UBTD1: variants seen among roughly 807,000 people sequenced by gnomAD.
UBTD1 encodes ubiquitin domain-containing protein 1.
Under a neutral mutation model 21.7 loss-of-function variants are expected in UBTD1, and 19 were observed. That is an observed-to-expected ratio of 0.87 (90% CI 0.61 to 1.28). UBTD1 has a LOEUF of 1.28. Ranked by LOEUF, UBTD1 falls within the 50% of genes most tolerant of loss-of-function variation. The probability of loss-of-function intolerance (pLI) is 0.00; values close to 1 mark genes in which losing one functional copy is unlikely to be tolerated. For missense variants in UBTD1, 282 were observed against 315.1 expected (o/e 0.89, Z 0.80); for synonymous variants, 116 against 135.1 (o/e 0.86, Z 0.98).
intron 1 of UBTD1, among the ~76,000 whole-genome samples, chr10:97,511,800 C>T (rs1240293420): frequency 6.6e-6 from 1 of 152,176 alleles, no homozygotes; most frequent in East Asian, 1.9e-4. Context: ...AATCTCCTAC[C>T]ATGTGTGTGG....
At chr10:97,528,739 C>A (rs1589873250) in intron 1 of UBTD1, among the ~76,000 whole-genome samples, 1 of 95,078 alleles carries the variant, frequency 1.1e-5, no homozygotes, top group African/African-American at 3.9e-5. Flanking sequence ...CCCCACCTCC[C>A]TCCCGGACGG....
chr10:97,516,587 A>G (rs1369541036), intron 1 of UBTD1, among the ~76,000 whole-genome samples: 1 of 151,864 alleles, frequency 6.6e-6, no homozygotes, highest in Non-Finnish European at 1.5e-5. Flanking sequence ...CATCCTGGCT[A>G]ACGTGGTGAA....
At chr10:97,557,530 A>G (rs1427544496) in intron 1 of UBTD1, among the ~76,000 whole-genome samples, 1 of 152,156 alleles carries the variant, frequency 6.6e-6, no homozygotes, top group African/African-American at 2.4e-5. Context: ...TCACATAAAT[A>G]TGATTCTTGA....
At chr10:97,535,972 A>ATTATTATTATTATTATTATTG (rs1554865898) in intron 1 of UBTD1, among the ~76,000 whole-genome samples, 2 of 134,752 alleles carry the variant, frequency 1.5e-5, no homozygotes, top group African/African-American at 2.7e-5. Context: ...GAGAGAAATT[A>ATTATTATTATTATTATTATTG]TTATTATTAT....
chr10:97,516,104 C>T (rs544051247), intron 1 of UBTD1, among the ~76,000 whole-genome samples: 10 of 152,174 alleles, frequency 6.6e-5, no homozygotes, highest in African/African-American at 1.9e-4. Context: ...GTCAGACCAG[C>T]GGGGGCCAGG....
At chr10:97,557,318 G>T (rs1338757917) in intron 1 of UBTD1, among the ~76,000 whole-genome samples, 1 of 151,944 alleles carries the variant, frequency 6.6e-6, no homozygotes, top group Non-Finnish European at 1.5e-5. Flanking sequence ...CTAGGATCTA[G>T]TCCTTTTCCA....
chr10:97,525,117 A>C (rs1406571263), intron 1 of UBTD1, among the ~76,000 whole-genome samples: 1 of 152,238 alleles, frequency 6.6e-6, no homozygotes, highest in East Asian at 1.9e-4. Flanking sequence ...GGCAACTTGC[A>C]CATGTGCCCC....
At chr10:97,535,592 G>T (rs1472587446) in intron 1 of UBTD1, among the ~76,000 whole-genome samples, 1 of 152,122 alleles carries the variant, frequency 6.6e-6, no homozygotes, top group Non-Finnish European at 1.5e-5. Flanking sequence ...TCCAGCCTGG[G>T]CAACAGAGCA....
At chr10:97,525,009 G>C (rs575500804) in intron 1 of UBTD1, among the ~76,000 whole-genome samples, 1 of 152,212 alleles carries the variant, frequency 6.6e-6, no homozygotes, top group Non-Finnish European at 1.5e-5. Flanking sequence ...CTTTGGGTAG[G>C]TAACTAACAG....
chr10:97,518,408 T>A (rs1433349372), intron 1 of UBTD1, among the ~76,000 whole-genome samples: 1 of 152,238 alleles, frequency 6.6e-6, no homozygotes, highest in Non-Finnish European at 1.5e-5. Flanking sequence ...TTTTCCTGTA[T>A]GAGTCATGCC....
At chr10:97,514,368 C>T (rs1034668088) in intron 1 of UBTD1, among the ~76,000 whole-genome samples, 1 of 152,166 alleles carries the variant, frequency 6.6e-6, no homozygotes, top group Admixed American at 6.5e-5. Flanking sequence ...CCTCATCCCT[C>T]CCCATCCCCC....
intron 1 of UBTD1, among the ~76,000 whole-genome samples, chr10:97,506,458 T>C (rs1372494919): frequency 6.6e-6 from 1 of 152,222 alleles, no homozygotes; most frequent in African/African-American, 2.4e-5. Context: ...CACTTCTCTT[T>C]TTTTTCTTTC....
chr10:97,509,097 T>C (rs1554863892), intron 1 of UBTD1, among the ~76,000 whole-genome samples: 2 of 152,254 alleles, frequency 1.3e-5, no homozygotes, highest in Non-Finnish European at 2.9e-5. Context: ...AATCTCTTTC[T>C]TCTCTCAGCA....
At chr10:97,562,210 C>CCTGG (rs1165703991) in intron 1 of UBTD1, among the ~76,000 whole-genome samples, 1 of 152,160 alleles carries the variant, frequency 6.6e-6, no homozygotes, top group Non-Finnish European at 1.5e-5. Context: ...TCGAGACCAA[C>CCTGG]CTGGCAACAT....
Position 97,503,695 on chromosome 10 carries a change from G to A in UBTD1, c.70+4422G>A, listed in dbSNP as rs180809463. On this transcript the variant is annotated intron_variant, in intron 1 of 2. Coordinates refer to ENST00000370664, the MANE Select transcript of UBTD1 (RefSeq NM_024954.5). The stretch of plus-strand genomic sequence containing the variant: ...ATTGGGCAACTTCTCCATTTGCTCA[G>A]TAAGTATGTACTGAGTGCCAAGCAC... Among the ~76,000 whole-genome samples, 3 of 152,306 alleles carry A rather than the reference G, an allele frequency of 2.0e-5. No homozygotes were observed. The East Asian group carries it at 5.8e-4, about 29-fold the overall frequency.
chr10:97,499,739 C>T (rs2135645600), intron 1 of UBTD1, among the ~76,000 whole-genome samples: 1 of 152,288 alleles, frequency 6.6e-6, no homozygotes, highest in Middle Eastern at 3.4e-3. Context: ...ATCGTGTCTG[C>T]GGGAATCCGA....
Position 97,568,041 on chromosome 10 carries a change from G to T in UBTD1, c.198G>T (p.Glu66Asp). ...DTAPAFEGRK[E>D]IWDALKAAAY... ...CGCCTGCCTTCGAGGGCCGCAAGGA[G>T]ATCTGGGATGCCCTCAAGGCTGCCG... is the stretch of plus-strand genomic sequence containing the variant. Residue 66 changes from glutamate (E) to aspartate (D), a missense_variant, in exon 2 of 3, where the codon GAG becomes GAT. Glu to Asp is a conservative substitution (Grantham distance 45). Coordinates refer to ENST00000370664, the MANE Select transcript of UBTD1 (RefSeq NM_024954.5). 1.2e-6 allele frequency: 2 copies of T among 1,613,988 alleles called. No individual in the cohort carries two copies. Among genetic ancestry groups the T allele is most frequent in the Non-Finnish European group, 8.5e-7 (1 of 1,180,054 alleles).
At chr10:97,559,594 A>G (rs1214352101) in intron 1 of UBTD1, among the ~76,000 whole-genome samples, 1 of 152,208 alleles carries the variant, frequency 6.6e-6, no homozygotes, top group African/African-American at 2.4e-5. Context: ...CCTTTATATT[A>G]GTGTGTTATT....
intron 1 of UBTD1, among the ~76,000 whole-genome samples, chr10:97,529,842 C>T (rs1477804258): frequency 3.3e-5 from 5 of 152,130 alleles, no homozygotes; most frequent in East Asian, 1.9e-4. Flanking sequence ...CCTCCTGCCT[C>T]GTGTGATCTA....
Sources: allele counts gnomAD v4.1 joint callset (sites outside exome capture counted in the v4.1 genomes callset), GRCh38; gene constraint gnomAD v4.1.1; transcripts MANE v1.5; gene names NCBI Gene and HGNC (gene_info 2026-07-23, HGNC 2026-07-21).